The following MOB1B variants were observed in gnomAD, a reference collection of about 807,000 sequenced individuals.
MOB1B encodes MOB kinase activator 1B, also known as MOB1 Mps One Binder homolog B.
MOB1B carries 19 observed loss-of-function variants against 24.4 expected under a neutral mutation model. The ratio of observed to expected loss-of-function variants is 0.78; its 90% CI spans 0.54 to 1.14. The LOEUF is 1.14. Among genes scored for constraint, MOB1B ranks in the 50% most tolerant of loss-of-function variants. The pLI, the probability that MOB1B is intolerant of heterozygous loss-of-function variation, is 0.00. For missense variants in MOB1B, 243 were observed against 259.6 expected, an observed-to-expected ratio of 0.94 and a Z score of 0.44; for synonymous variants, 76 against 82.1, an observed-to-expected ratio of 0.93 and a Z score of 0.40.
intron 1 of MOB1B, among the ~76,000 whole-genome samples, chr4:70,926,210 C>G (rs1736647172): frequency 6.6e-6 from 1 of 151,482 alleles, no homozygotes; most frequent in African/African-American, 2.4e-5. Flanking sequence ...GTCTTGAACT[C>G]CTGGGCTCAA....
intron 1 of MOB1B, among the ~76,000 whole-genome samples, chr4:70,956,367 A>T (rs548123982): frequency 1.3e-5 from 2 of 152,224 alleles, no homozygotes; most frequent in South Asian, 4.2e-4. Context: ...GGTTCAGGCG[A>T]TCCTCCCACC....
rs1735541788 is a variant in MOB1B, at chr4:70,902,380, C to T, written c.-157C>T. On this transcript the variant is annotated 5_prime_UTR_variant, in exon 1 of 6. Transcript: ENST00000309395. ...CCCCTCCCCCTGCCATTGGAACTAG[C>T]TGAGCCGAACTAGTTGCGGCCACCG... 1.4e-6 allele frequency: 1 copy of T among 740,572 alleles called. No individual in the cohort carries two copies. The highest frequency in any genetic ancestry group is 2.4e-6 in the Non-Finnish European group (1 of 417,798). The allele number at this position is 740,572 out of a possible 1,614,324, so 45.9% of individuals were successfully genotyped here.
At chr4:70,965,375 A>AAAAATATT (rs1444761904) in intron 2 of MOB1B, among the ~76,000 whole-genome samples, 8 of 150,218 alleles carry the variant, frequency 5.3e-5, no homozygotes, top group African/African-American at 1.9e-4. Context: ...TGATCAAGAA[A>AAAAATATT]AAAATATTTT....
intron 1 of MOB1B, among the ~76,000 whole-genome samples, chr4:70,914,705 T>C (rs1368819575): frequency 6.6e-6 from 1 of 152,236 alleles, no homozygotes; most frequent in Non-Finnish European, 1.5e-5. Context: ...CCTATGTTTT[T>C]CTTTGTTGTT....
At chr4:70,975,656 T>G in intron 4 of MOB1B, 1 of 953,968 alleles carries the variant, frequency 1.0e-6, no homozygotes, top group South Asian at 4.8e-5. Context: ...TTTAACACTT[T>G]AAAAAAATTA....
chr4:70,950,764 T>A (rs897469369), intron 1 of MOB1B: 2 of 1,534,538 alleles, frequency 1.3e-6, no homozygotes, highest in African/African-American at 2.7e-5. Flanking sequence ...ACCTGATCTG[T>A]AGTGTTGGAC....
intron 4 of MOB1B, 90 bp from the exon 5 acceptor site, chr4:70,979,038 T>G (rs1739103670): frequency 2.9e-6 from 3 of 1,026,378 alleles, no homozygotes; most frequent in South Asian, 3.0e-5. Flanking sequence ...TTCAGCCTTG[T>G]CTTGGTAATT....
chr4:70,972,899 G>A (rs976701578), intron 3 of MOB1B, among the ~76,000 whole-genome samples: 2 of 151,824 alleles, frequency 1.3e-5, no homozygotes, highest in African/African-American at 2.4e-5. Flanking sequence ...TCAGCCCCCC[G>A]AGTAGCTGGG....
intron 1 of MOB1B, among the ~76,000 whole-genome samples, chr4:70,932,468 A>G (rs1387786714): frequency 6.6e-6 from 1 of 152,176 alleles, no homozygotes; most frequent in Non-Finnish European, 1.5e-5. Context: ...AATGGGTTTT[A>G]TTGATCTTTG....
chr4:70,957,543 T>C (rs961706674), intron 1 of MOB1B, among the ~76,000 whole-genome samples: 2 of 151,910 alleles, frequency 1.3e-5, no homozygotes, highest in African/African-American at 2.4e-5. Context: ...TAAGCTATCC[T>C]TTGGCTTCAG....
intron 1 of MOB1B, among the ~76,000 whole-genome samples, chr4:70,910,357 A>G (rs1360972351): frequency 6.6e-6 from 1 of 152,002 alleles, no homozygotes; most frequent in Non-Finnish European, 1.5e-5. Flanking sequence ...GCCTTATACT[A>G]TCATCTATAA....
intron 1 of MOB1B, 42 bp from the exon 2 acceptor site, chr4:70,958,832 G>T (rs776656857): frequency 7.2e-6 from 11 of 1,525,128 alleles, no homozygotes; most frequent in Non-Finnish European, 9.9e-6. Context: ...TGAATGTCAT[G>T]CCTTAAATAT....
intron 1 of MOB1B, among the ~76,000 whole-genome samples, chr4:70,931,266 C>T (rs1736880432): frequency 1.3e-5 from 2 of 152,180 alleles, no homozygotes; most frequent in Admixed American, 1.3e-4. Flanking sequence ...TTCAAGTCTT[C>T]TTATGATTTG....
chr4:70,973,131 A>G (rs113891179), intron 3 of MOB1B, among the ~76,000 whole-genome samples: 28 of 152,314 alleles, frequency 1.8e-4, no homozygotes, highest in African/African-American at 6.5e-4. Context: ...TTTAAAAAAT[A>G]CTTCAGGATA....
At chr4:70,950,750 G>T in intron 1 of MOB1B, 1 of 1,533,736 alleles carries the variant, frequency 6.5e-7, no homozygotes, top group South Asian at 1.2e-5. Context: ...AGTATTTATC[G>T]AATACCTGAT....
chr4:70,942,822 G>T (rs2148885824), intron 1 of MOB1B: 1 of 934,240 alleles, frequency 1.1e-6, no homozygotes, highest in South Asian at 4.9e-5. Flanking sequence ...TTTGTCTGTA[G>T]AGAGAAGGTT....
At chr4:70,970,054 T>G in intron 3 of MOB1B, 30 bp downstream of exon 3, 2 of 1,273,608 alleles carry the variant, frequency 1.6e-6, no homozygotes, top group East Asian at 2.3e-5. Context: ...CAGTTTCTTA[T>G]TTTTACATTA....
chr4:70,969,662 GTTCT>G (rs1424092331), intron 2 of MOB1B, among the ~76,000 whole-genome samples: 1 of 152,078 alleles, frequency 6.6e-6, no homozygotes, highest in Non-Finnish European at 1.5e-5. Flanking sequence ...ATCTATATGA[GTTCT>G]TTATCTATTC....
intron 1 of MOB1B, among the ~76,000 whole-genome samples, chr4:70,930,872 T>G (rs1736864058): frequency 6.6e-6 from 1 of 152,148 alleles, no homozygotes; most frequent in South Asian, 2.1e-4. Flanking sequence ...TTGGGGAGCA[T>G]TGCAACGTCT....
Sources: gnomAD v4.1 joint callset for allele counts (sites outside exome capture counted in the v4.1 genomes callset) on GRCh38, gnomAD v4.1.1 for gene constraint, MANE v1.5 for transcripts, NCBI Gene and HGNC (gene_info 2026-07-23, HGNC 2026-07-21) for gene names.